The following GYS2 variants were observed in gnomAD, a reference collection of about 807,000 sequenced individuals.
GYS2 encodes glycogen synthase 2.
GYS2 carries 80 observed loss-of-function variants against 85.6 expected under a neutral mutation model. The ratio of observed to expected loss-of-function variants is 0.93; its 90% CI spans 0.78 to 1.13. GYS2 has a LOEUF of 1.13. Ranked by LOEUF, GYS2 falls within the 50% of genes most tolerant of loss-of-function variation. GYS2 has a pLI of 0.00. For synonymous variants in GYS2, 328 were observed against 300.7 expected (o/e 1.09, Z -0.94); for missense variants, 881 against 854.9 (o/e 1.03, Z -0.38).
chr12:21,567,733 G>T (rs1001561879), intron 5 of GYS2, among the ~76,000 whole-genome samples: 1 of 152,074 alleles, frequency 6.6e-6, no homozygotes, highest in African/African-American at 2.4e-5. Flanking sequence ...GGATGCCGGA[G>T]TGTCTCATGG....
chr12:21,563,054 AC>A lies in GYS2; in HGVS notation c.942-17del. ...GTCGAGATGACTAAAACAAAACAAA[AC>A]CAAACAGTTTCAAATGAAATACAGC... On this transcript the variant is annotated splice_polypyrimidine_tract_variant and intron_variant, in intron 6 of 15. Transcript: ENST00000261195. The A allele has an allele frequency of 6.3e-7, 1 of 1,589,206 alleles. No individual in the cohort carries two copies. Among genetic ancestry groups the A allele is most frequent in the Non-Finnish European group, 8.6e-7 (1 of 1,157,690 alleles).
At chr12:21,565,629 T>TA (rs1174584047) in intron 5 of GYS2, among the ~76,000 whole-genome samples, 1 of 150,726 alleles carries the variant, frequency 6.6e-6, no homozygotes, top group East Asian at 1.9e-4. Flanking sequence ...TTAGTTTATA[T>TA]AAATACATGT....
chr12:21,554,432 C>T (rs189043101), intron 11 of GYS2, among the ~76,000 whole-genome samples: 38 of 152,282 alleles, frequency 2.5e-4, no homozygotes, highest in Middle Eastern at 3.4e-3. Context: ...AGGGCTTTCT[C>T]TAATTAGTCC....
intron 1 of GYS2, among the ~76,000 whole-genome samples, chr12:21,601,183 G>A (rs1466979737): frequency 1.3e-5 from 2 of 152,084 alleles, no homozygotes; most frequent in Non-Finnish European, 2.9e-5. Context: ...AAAGGAGAGA[G>A]TAAACATTTT....
intron 6 of GYS2, 42 bp from the exon 7 acceptor site, chr12:21,563,080 C>T (rs1200569990): frequency 9.8e-6 from 14 of 1,428,774 alleles, no homozygotes; most frequent in Non-Finnish European, 1.4e-5. Context: ...TGAAATACAG[C>T]AACAGTAACA....
chr12:21,541,243 G>A (rs1943969266), intron 13 of GYS2, among the ~76,000 whole-genome samples: 1 of 120,826 alleles, frequency 8.3e-6, no homozygotes, highest in South Asian at 3.1e-4. Flanking sequence ...ACTCCAGCCT[G>A]GGCAACAGAG....
At chr12:21,539,557 G>A (rs1261929014) in intron 14 of GYS2, among the ~76,000 whole-genome samples, 1 of 152,148 alleles carries the variant, frequency 6.6e-6, no homozygotes, top group Non-Finnish European at 1.5e-5. Flanking sequence ...AAATGCTGGG[G>A]AAGAATGCCC....
At position 21,568,890 on chromosome 12, in the gene GYS2, AG is replaced by A. The variant is rs1304041787; in HGVS notation, c.797del (p.Ala266ValfsTer5). On this transcript the variant is annotated frameshift_variant, in exon 5 of 16. Coordinates refer to ENST00000261195, the MANE Select transcript of GYS2 (RefSeq NM_021957.4). LOFTEE classifies it high-confidence loss of function. ...CAGGCTTTCTCTTCAGCATATGTTC[AG>A]CTTCTATTGCTGTTATTTCAGAAAC... is the stretch of plus-strand genomic sequence containing the variant. ...TTVSEITAIEAEHMLKRKPDV... is the reference protein window; with the variant it reads ...TTVSEITAIEXEHMLKRKPDV... 1 of 1,613,422 alleles carries A rather than the reference AG, an allele frequency of 6.2e-7. No homozygotes were observed. The highest frequency in any genetic ancestry group is 1.3e-5 in the African/African-American group (1 of 74,926).
In GYS2 at chr12:21,574,170, T is replaced by C. The variant is rs762802642; in HGVS notation, c.652A>G (p.Ile218Val). ...LLGRYLCAAN[I>V]DFYNHLDKFN... The stretch of plus-strand genomic sequence containing the variant: ...TTATCAAGATGGTTGTAGAAATCAA[T>C]ATTTGCTGCACAGAGATACCTCCCA... The change falls in exon 4 of 16, where the codon ATT becomes GTT. Residue 218 changes from isoleucine to valine, a missense_variant. Ile to Val is a conservative substitution (Grantham distance 29). Coordinates refer to ENST00000261195, the MANE Select transcript of GYS2 (RefSeq NM_021957.4). The C allele has an allele frequency of 5.6e-6, 9 of 1,613,188 alleles. No individual in the cohort carries two copies. Among genetic ancestry groups the C allele is most frequent in the Non-Finnish European group, 7.6e-6 (9 of 1,179,150 alleles).
downstream of GYS2, among the ~76,000 whole-genome samples, chr12:21,535,606 T>A (rs1424702835): frequency 6.6e-6 from 1 of 152,214 alleles, no homozygotes; most frequent in Non-Finnish European, 1.5e-5. Flanking sequence ...TACTTTTTTC[T>A]AGCTACTGCA....
At chr12:21,567,397 A>G (rs1754062884) in intron 5 of GYS2, among the ~76,000 whole-genome samples, 1 of 152,148 alleles carries the variant, frequency 6.6e-6, no homozygotes, top group African/African-American at 2.4e-5. Flanking sequence ...GAGCATATTG[A>G]TGGAATAAAC....
At chr12:21,582,508 T>C (rs1250852206) in intron 1 of GYS2, among the ~76,000 whole-genome samples, 1 of 152,282 alleles carries the variant, frequency 6.6e-6, no homozygotes, top group Admixed American at 6.5e-5. Flanking sequence ...AGCTGGCAGA[T>C]GGCCTGTTTT....
intron 1 of GYS2, among the ~76,000 whole-genome samples, chr12:21,590,734 G>A (rs1458224653): frequency 6.6e-6 from 1 of 152,128 alleles, no homozygotes; most frequent in Non-Finnish European, 1.5e-5. Flanking sequence ...GGGGCCCAAG[G>A]ACAGGAATGC....
At chr12:21,558,510 T>C (rs559187217) in intron 10 of GYS2, among the ~76,000 whole-genome samples, 197 bp from the exon 11 acceptor site, 23 of 152,314 alleles carry the variant, frequency 1.5e-4, no homozygotes, top group Non-Finnish European at 2.8e-4. Context: ...ATGCTATGAA[T>C]ACATGAAGCT....
chr12:21,559,745 T>TC, intron 8 of GYS2, 35 bp from the exon 9 acceptor site: 2 of 1,255,812 alleles, frequency 1.6e-6, no homozygotes, highest in Non-Finnish European at 2.3e-6. Flanking sequence ...ATTTAAACAG[T>TC]ATGACAATGT....
rs1019809572 is a variant in GYS2, at chr12:21,536,660, A to G, written c.*294T>C. The stretch of plus-strand genomic sequence containing the variant: ...ATTTAAAAATAAACAGAGTAAGAGA[A>G]AATCCTTACCACTTAAATTCACCAT... On this transcript the variant is annotated 3_prime_UTR_variant, in exon 16 of 16. Coordinates refer to ENST00000261195, the MANE Select transcript of GYS2 (RefSeq NM_021957.4). The G allele has an allele frequency of 2.4e-5, 10 of 421,696 alleles. No individual in the cohort carries two copies. Among genetic ancestry groups the G allele is most frequent in the Non-Finnish European group, 4.4e-5 (10 of 228,852 alleles). 26.1% of individuals were successfully genotyped at this position (421,696 alleles called of 1,614,324 possible). A position where few individuals can be genotyped will look rare whatever the true frequency, so the allele number is the denominator to read the frequency against.
In GYS2 at chr12:21,536,178, A is replaced by G. The variant is rs1419437358; in HGVS notation, c.*776T>C. The G allele has an allele frequency of 2.0e-5, 3 of 152,190 alleles. No individual in the cohort carries two copies. Among genetic ancestry groups the G allele is most frequent in the Non-Finnish European group, 4.4e-5 (3 of 68,022 alleles). 9.4% of individuals were successfully genotyped at this position (152,190 alleles called of 1,614,324 possible). The stretch of plus-strand genomic sequence containing the variant: ...ATCATCTATGAAGAAACAAGGCATT[A>G]CCAGTGAAAGTTAAGTTATTAAATA... On this transcript the variant is annotated 3_prime_UTR_variant, in exon 16 of 16. Coordinates refer to ENST00000261195, the MANE Select transcript of GYS2 (RefSeq NM_021957.4).
chr12:21,575,831 G>C, intron 3 of GYS2, 35 bp downstream of exon 3: 3 of 1,509,118 alleles, frequency 2.0e-6, no homozygotes, highest in Non-Finnish European at 2.8e-6. Context: ...CAGTTGTGCT[G>C]CTCCTCCGTT....
rs531108379 is a variant in GYS2 at position 21,571,054 on chromosome 12, G to A, written c.679-2045C>T. On this transcript the variant is annotated intron_variant, in intron 4 of 15. Transcript: ENST00000261195. ...AGAATCACATGTCACAGATAAGACA[G>A]CATTTAACATTTGGACATTTAGAGA... is the stretch of plus-strand genomic sequence containing the variant. Among the ~76,000 whole-genome samples, 30 of 152,310 alleles carry A rather than the reference G, an allele frequency of 2.0e-4. No homozygotes were observed. In the East Asian group the frequency reaches 3.5e-3, roughly 18 times the overall value.
Sources: gnomAD v4.1 joint callset for allele counts (sites outside exome capture counted in the v4.1 genomes callset) on GRCh38, gnomAD v4.1.1 for gene constraint, MANE v1.5 for transcripts, NCBI Gene and HGNC (gene_info 2026-07-23, HGNC 2026-07-21) for gene names.